The following IMMP2L variants were observed in gnomAD, a reference collection of about 807,000 sequenced individuals.
The protein encoded by IMMP2L is mitochondrial inner membrane protease subunit 2.
IMMP2L carries 18 observed loss-of-function variants against 19.3 expected under a neutral mutation model. That is an observed-to-expected ratio of 0.93 (90% CI 0.64 to 1.38). The LOEUF (loss-of-function observed/expected upper bound fraction) is 1.38, where lower values mean the gene tolerates loss of function less well. Ranked by LOEUF, IMMP2L falls within the 40% of genes most tolerant of loss-of-function variation. The pLI is 0.00. For synonymous variants in IMMP2L, 76 were observed against 73.0 expected (o/e 1.04, Z -0.21); for missense variants, 233 against 218.2 (o/e 1.07, Z -0.43).
chr7:110,872,668 G>A (rs908190178), intron 5 of IMMP2L, among the ~76,000 whole-genome samples: 1 of 152,070 alleles, frequency 6.6e-6, no homozygotes, highest in Admixed American at 6.6e-5. Context: ...ACTCTTCCAG[G>A]ACGGGCACTT....
intron 5 of IMMP2L, among the ~76,000 whole-genome samples, chr7:110,682,803 C>T (rs1281897744): frequency 6.6e-6 from 1 of 152,030 alleles, no homozygotes; most frequent in African/African-American, 2.4e-5. Context: ...CCCAGTTGCA[C>T]CCATGGGAAC....
intron 5 of IMMP2L, among the ~76,000 whole-genome samples, chr7:110,801,958 G>A (rs1291239073): frequency 6.6e-6 from 1 of 152,066 alleles, no homozygotes; most frequent in Non-Finnish European, 1.5e-5. Flanking sequence ...CTATTTAACA[G>A]AGATATCTCA....
chr7:110,719,354 G>T (rs772258129), intron 5 of IMMP2L, among the ~76,000 whole-genome samples: 23 of 151,882 alleles, frequency 1.5e-4, no homozygotes, highest in Non-Finnish European at 2.4e-4. Flanking sequence ...ATTTCAAGGT[G>T]AAAAGAAAAA....
At chr7:110,862,225 A>AT (rs1425150105) in intron 5 of IMMP2L, among the ~76,000 whole-genome samples, 5 of 151,676 alleles carry the variant, frequency 3.3e-5, no homozygotes, top group African/African-American at 1.2e-4. Context: ...TTTTTTTAAT[A>AT]TATTTTATTT....
intron 4 of IMMP2L, among the ~76,000 whole-genome samples, chr7:110,935,286 G>A (rs1735095181): frequency 6.6e-6 from 1 of 152,112 alleles, no homozygotes; most frequent in African/African-American, 2.4e-5. Context: ...GAAATTTTGG[G>A]TTGAAAATTC....
rs181658730 is a variant in IMMP2L at position 111,560,498 on chromosome 7, T to C, written c.-3+1353A>G. On this transcript the variant is annotated intron_variant, in intron 1 of 5. Transcript: ENST00000405709. ...AAAATGACTATAACATTATTCATTATAGGAAACAAATCATCAAGGTCAGCC... is the reference window on the plus strand; with the variant it reads ...AAAATGACTATAACATTATTCATTACAGGAAACAAATCATCAAGGTCAGCC... 1.9e-3 allele frequency among the ~76,000 whole-genome samples: 296 copies of C among 152,346 alleles called. 1 individual carries two copies. Among genetic ancestry groups the C allele is most frequent in the African/African-American group, 6.8e-3 (283 of 41,582 alleles).
At chr7:110,732,484 A>G (rs752360675) in intron 5 of IMMP2L, among the ~76,000 whole-genome samples, 2 of 152,086 alleles carry the variant, frequency 1.3e-5, no homozygotes, top group Non-Finnish European at 2.9e-5. Flanking sequence ...CTTGAAATAG[A>G]TATGGTACTG....
At chr7:111,048,573 T>C (rs958070499) in intron 3 of IMMP2L, among the ~76,000 whole-genome samples, 1 of 152,194 alleles carries the variant, frequency 6.6e-6, no homozygotes, top group African/African-American at 2.4e-5. Context: ...AGATGCTATT[T>C]TGGGGGAAGG....
chr7:111,492,478 T>C lies in IMMP2L; in HGVS notation c.136-5137A>G, dbSNP rs979966531. 6 of 677,432 alleles carry C rather than the reference T, an allele frequency of 8.9e-6. No individual in the cohort carries two copies. In the African/African-American group the frequency reaches 1.2e-4, roughly 13 times the overall value. The allele number at this position is 677,432 out of a possible 1,614,324, so 42.0% of individuals were successfully genotyped here. On this transcript the variant is annotated intron_variant, in intron 2 of 5. Coordinates refer to ENST00000405709, the MANE Select transcript of IMMP2L (RefSeq NM_032549.4). ...CCACTTGGAAACTTCTAGTCATTTGTCAAAGTCCTTATCTGATGGGGACTC... is the reference window on the plus strand; with the variant it reads ...CCACTTGGAAACTTCTAGTCATTTGCCAAAGTCCTTATCTGATGGGGACTC...
At chr7:111,073,800 G>C (rs775482209) in intron 3 of IMMP2L, among the ~76,000 whole-genome samples, 5 of 152,142 alleles carry the variant, frequency 3.3e-5, no homozygotes, top group Non-Finnish European at 5.9e-5. Context: ...CTGCCACTCA[G>C]GAAGATACTA....
chr7:110,671,702 T>C (rs757217572), intron 5 of IMMP2L, among the ~76,000 whole-genome samples: 31 of 151,986 alleles, frequency 2.0e-4, no homozygotes, highest in Admixed American at 3.9e-4. Flanking sequence ...CACAAACCTA[T>C]AGTCTACCTA....
intron 4 of IMMP2L, among the ~76,000 whole-genome samples, chr7:110,928,351 G>T (rs1278807126): frequency 8.5e-6 from 1 of 117,114 alleles, no homozygotes; most frequent in East Asian, 2.5e-4. Flanking sequence ...ATATGTACCT[G>T]CACACACACA....
chr7:111,346,462 A>G (rs1169248055), intron 3 of IMMP2L, among the ~76,000 whole-genome samples: 1 of 152,152 alleles, frequency 6.6e-6, no homozygotes, highest in African/African-American at 2.4e-5. Context: ...TGCAATCAAC[A>G]TACCAACTAC....
chr7:110,749,291 TTGG>T (rs1482117904), intron 5 of IMMP2L, among the ~76,000 whole-genome samples: 1 of 152,142 alleles, frequency 6.6e-6, no homozygotes, highest in Non-Finnish European at 1.5e-5. Flanking sequence ...TTTTACACTG[TTGG>T]TGGGAGTGTA....
chr7:111,160,562 ACT>A (rs1247150890), intron 3 of IMMP2L, among the ~76,000 whole-genome samples: 5 of 151,898 alleles, frequency 3.3e-5, no homozygotes, highest in Admixed American at 6.6e-5. Context: ...TATGTTGAGT[ACT>A]CTCTGTTAAA....
chr7:110,832,002 G>A (rs113112427), intron 5 of IMMP2L, among the ~76,000 whole-genome samples: 3,315 of 152,292 alleles, frequency 0.022, 45 homozygotes, highest in Middle Eastern at 0.051. Context: ...GGTGGCTCAC[G>A]CCTGTAATCC....
In IMMP2L at chr7:111,124,198, C is replaced by T. The variant is rs761144113; in HGVS notation, c.240-160633G>A. The T allele has an allele frequency of 2.5e-6, 4 of 1,613,782 alleles. No individual in the cohort carries two copies. The East Asian group carries it at 8.9e-5, about 36-fold the overall frequency. ...TACCCTGACAGACAAGTTCTATGTC[C>T]ATTCTGAGGGAACACTAGATATAAA... is the stretch of plus-strand genomic sequence containing the variant. On this transcript the variant is annotated intron_variant, in intron 3 of 5. Coordinates refer to ENST00000405709, the MANE Select transcript of IMMP2L (RefSeq NM_032549.4).
chr7:110,986,492 T>C (rs1041647782), intron 3 of IMMP2L, among the ~76,000 whole-genome samples: 13 of 152,202 alleles, frequency 8.5e-5, no homozygotes, highest in Non-Finnish European at 1.5e-4. Flanking sequence ...CTATCTCTAC[T>C]GTATCAAACA....
At chr7:111,538,221 T>C (rs1448796620) in intron 1 of IMMP2L, among the ~76,000 whole-genome samples, 1 of 151,184 alleles carries the variant, frequency 6.6e-6, no homozygotes, top group Non-Finnish European at 1.5e-5. Flanking sequence ...CAGTGTTCAA[T>C]ACAGTTTCAT....
Sources: gnomAD v4.1 joint callset for allele counts (sites outside exome capture counted in the v4.1 genomes callset) on GRCh38, gnomAD v4.1.1 for gene constraint, MANE v1.5 for transcripts, NCBI Gene and HGNC (gene_info 2026-07-23, HGNC 2026-07-21) for gene names.